The following STMN2 variants were observed in gnomAD, a reference collection of about 807,000 sequenced individuals.
The protein encoded by STMN2 is stathmin 2.
A neutral mutation model predicts 24.1 loss-of-function variants in STMN2; 2 were observed. That is an observed-to-expected ratio of 0.08 (90% confidence interval 0.03 to 0.26). The LOEUF is 0.26. Among genes scored for constraint, STMN2 ranks in the 10% least tolerant of loss-of-function variants. The probability of loss-of-function intolerance (pLI) is 1.00; values close to 1 mark genes in which losing one functional copy is unlikely to be tolerated. For missense variants in STMN2, 114 were observed against 213.6 expected, an observed-to-expected ratio of 0.53 and a Z score of 2.91; for synonymous variants, 83 against 77.5, an observed-to-expected ratio of 1.07 and a Z score of -0.37.
chr8:79,657,064 G>C (rs1021908152), intron 4 of STMN2, among the ~76,000 whole-genome samples: 1 of 152,152 alleles, frequency 6.6e-6, no homozygotes, highest in African/African-American at 2.4e-5. Flanking sequence ...AGTAGAGACA[G>C]GGTTTTGCCG....
chr8:79,634,801 A>G (rs1410303696), intron 1 of STMN2, among the ~76,000 whole-genome samples: 1 of 152,156 alleles, frequency 6.6e-6, no homozygotes, highest in African/African-American at 2.4e-5. Flanking sequence ...CTTTCTGGCC[A>G]AGAAAAGATG....
chr8:79,655,020 T>G lies in STMN2; in HGVS notation c.438T>G (p.Arg146=). 1 of 1,613,980 alleles carries G rather than the reference T, an allele frequency of 6.2e-7. No homozygotes were observed. The highest frequency in any genetic ancestry group is 8.5e-7 in the Non-Finnish European group (1 of 1,179,906). The change falls in exon 4 of 5, where the codon CGT becomes CGG. Residue 146 remains arginine (R), a synonymous_variant. Coordinates refer to ENST00000220876, the MANE Select transcript of STMN2 (RefSeq NM_007029.4). ...AAATGGAACAAATTAAGGAAAACCG[T>G]GAGGCTAATCTAGCTGCTATTATTG... is the stretch of plus-strand genomic sequence containing the variant. ...ILKMEQIKEN[R]EANLAAIIER...
chr8:79,647,433 ACTTCAGGGACCC>A (rs1262659729), intron 3 of STMN2, among the ~76,000 whole-genome samples: 3 of 152,058 alleles, frequency 2.0e-5, no homozygotes, highest in African/African-American at 7.2e-5. Flanking sequence ...TCTTTGTGGG[ACTTCAGGGACCC>A]CTTCAGGGAA....
At chr8:79,613,388 A>G in intron 1 of STMN2, 1 of 985,322 alleles carries the variant, frequency 1.0e-6, no homozygotes, top group Non-Finnish European at 1.2e-6. Context: ...CCCTCCCCGG[A>G]GTTGGGCGCT....
intron 4 of STMN2, among the ~76,000 whole-genome samples, chr8:79,663,166 G>A (rs1377225151): frequency 6.6e-6 from 1 of 151,258 alleles, no homozygotes; most frequent in South Asian, 2.1e-4. Context: ...GGAAGTATAG[G>A]GTGGTCTATG....
intron 1 of STMN2, among the ~76,000 whole-genome samples, chr8:79,635,594 T>C (rs115409321): frequency 9.2e-5 from 14 of 152,262 alleles, no homozygotes; most frequent in African/African-American, 2.9e-4. Context: ...AATGAAATCA[T>C]GTCCTTTGCT....
In STMN2 at chr8:79,624,180, C is replaced by T. The variant is rs548913847; in HGVS notation, c.20-12622C>T. On this transcript the variant is annotated intron_variant, in intron 1 of 4. Coordinates refer to ENST00000220876, the MANE Select transcript of STMN2 (RefSeq NM_007029.4). ...TTACCCAAGAAATAAGGAGGCTGGG[C>T]GTGGTGGCTCACACCTGTAATCCCA... 3.3e-5 allele frequency among the ~76,000 whole-genome samples: 5 copies of T among 152,084 alleles called. No homozygotes were observed. In the East Asian group the frequency reaches 5.8e-4, roughly 18 times the overall value.
At chr8:79,613,710 G>A (rs1317038140) in intron 1 of STMN2, 1 of 985,416 alleles carries the variant, frequency 1.0e-6, no homozygotes, top group South Asian at 4.7e-5. Context: ...CCCTTGTTGC[G>A]TTCGCTTTGC....
chr8:79,632,289 T>G (rs546770654), intron 1 of STMN2, among the ~76,000 whole-genome samples: 1 of 152,316 alleles, frequency 6.6e-6, no homozygotes, highest in East Asian at 1.9e-4. Context: ...CAAATCGAAT[T>G]GCTGTAAAAC....
chr8:79,632,059 C>G (rs551910909), intron 1 of STMN2, among the ~76,000 whole-genome samples: 4 of 152,156 alleles, frequency 2.6e-5, no homozygotes, highest in Non-Finnish European at 2.9e-5. Flanking sequence ...GCAGAGAACC[C>G]TATTTCTCCC....
At chr8:79,660,585 T>TA (rs930943880) in intron 4 of STMN2, among the ~76,000 whole-genome samples, 3 of 152,200 alleles carry the variant, frequency 2.0e-5, no homozygotes, top group Non-Finnish European at 4.4e-5. Context: ...CTTAAAATGA[T>TA]AAAAATATTT....
rs573141826 is a variant in STMN2, at chr8:79,612,058, C to A, written c.19+844C>A. Among the ~76,000 whole-genome samples the A allele has an allele frequency of 3.3e-3, 482 of 143,932 alleles. 12 individuals are homozygous for A. Among genetic ancestry groups the A allele is most frequent in the Admixed American group, 0.031 (436 of 14,096 alleles). 94.4% of individuals were successfully genotyped at this position (143,932 alleles called of 152,430 possible). A position where few individuals can be genotyped will look rare whatever the true frequency, so the allele number is the denominator to read the frequency against. Reference sequence around the variant, plus strand: ...GCGGACAGCCCCACCCAGTGCGGAACCGCGCAGCCCCGCCCCCCCGCCCGG... The same window carrying A: ...GCGGACAGCCCCACCCAGTGCGGAAACGCGCAGCCCCGCCCCCCCGCCCGG... On this transcript the variant is annotated intron_variant, in intron 1 of 4. Coordinates refer to ENST00000220876, the MANE Select transcript of STMN2 (RefSeq NM_007029.4).
intron 1 of STMN2, among the ~76,000 whole-genome samples, chr8:79,634,879 G>A (rs1809905960): frequency 6.6e-6 from 1 of 152,040 alleles, no homozygotes; most frequent in African/African-American, 2.4e-5. Context: ...CTCTCCCTTG[G>A]GTTATATTAT....
At chr8:79,660,039 G>A (rs1806469985) in intron 4 of STMN2, among the ~76,000 whole-genome samples, 2 of 152,100 alleles carry the variant, frequency 1.3e-5, no homozygotes, top group African/African-American at 2.4e-5. Context: ...TTTCAAATGT[G>A]AATTGCTAAA....
rs569532228 is a variant in STMN2, at chr8:79,613,519, G to A, written c.19+2305G>A. On this transcript the variant is annotated intron_variant, in intron 1 of 4. Transcript: ENST00000220876. ...GGTTCTGAGAATGGGTGGTGGGGGCGATCTCGCCTCGCTTTCTGCACCCCT... is the reference window on the plus strand; with the variant it reads ...GGTTCTGAGAATGGGTGGTGGGGGCAATCTCGCCTCGCTTTCTGCACCCCT... 1.5e-4 allele frequency: 152 copies of A among 985,502 alleles called. 2 individuals carry two copies. In the South Asian group the frequency reaches 6.2e-3, roughly 41 times the overall value. The allele number at this position is 985,502 out of a possible 1,614,324, so 61.0% of individuals were successfully genotyped here.
chr8:79,660,945 C>G (rs542497037), intron 4 of STMN2, among the ~76,000 whole-genome samples: 3 of 152,080 alleles, frequency 2.0e-5, no homozygotes, highest in Non-Finnish European at 1.5e-5. Flanking sequence ...TAATGGCCTC[C>G]AGCTCCACCC....
Position 79,626,125 on chromosome 8 carries a change from T to A in STMN2, c.20-10677T>A, listed in dbSNP as rs1422461023. 5.7e-5 allele frequency among the ~76,000 whole-genome samples: 8 copies of A among 140,428 alleles called. No individual in the cohort carries two copies. The Admixed American group carries it at 5.8e-4, about 10-fold the overall frequency. The allele number at this position is 140,428 out of a possible 152,430, so 92.1% of individuals were successfully genotyped here. A position where few individuals can be genotyped will look rare whatever the true frequency, so the allele number is the denominator to read the frequency against. On this transcript the variant is annotated intron_variant, in intron 1 of 4. Coordinates refer to ENST00000220876, the MANE Select transcript of STMN2 (RefSeq NM_007029.4). ...ATTTTGTGGATAAATAAACTCATGT[T>A]CAGAAGGTTGAATAAATTATCTAAG...
intron 1 of STMN2, among the ~76,000 whole-genome samples, chr8:79,632,501 G>C (rs912288942): frequency 1.3e-5 from 2 of 152,170 alleles, no homozygotes; most frequent in Non-Finnish European, 2.9e-5. Context: ...AACAGATCCT[G>C]GGCCTCGTCA....
At chr8:79,642,462 A>C (rs749752282) in intron 3 of STMN2, among the ~76,000 whole-genome samples, 1 of 152,184 alleles carries the variant, frequency 6.6e-6, no homozygotes, top group Non-Finnish European at 1.5e-5. Flanking sequence ...ATTTCCCAAT[A>C]TTTTTTATGA....
Sources: allele counts gnomAD v4.1 joint callset (sites outside exome capture counted in the v4.1 genomes callset), GRCh38; gene constraint gnomAD v4.1.1; transcripts MANE v1.5; gene names NCBI Gene and HGNC (gene_info 2026-07-23, HGNC 2026-07-21).